The following PALLD variants were observed in gnomAD, a reference collection of about 807,000 sequenced individuals.
PALLD encodes palladin, cytoskeletal associated protein, also known as palladin.
PALLD carries 61 observed loss-of-function variants against 123.5 expected under a neutral mutation model. The ratio of observed to expected loss-of-function variants is 0.49; its 90% confidence interval spans 0.40 to 0.61. The LOEUF is 0.61. PALLD is among the 20% of genes least tolerant of loss of function. The pLI is 0.00. For synonymous variants in PALLD, 465 were observed against 496.4 expected (o/e 0.94, Z 0.84); for missense variants, 1,273 against 1,377.0 (o/e 0.92, Z 1.20).
intron 2 of PALLD, among the ~76,000 whole-genome samples, chr4:168,600,188 CG>C (rs2149721604): frequency 6.6e-6 from 1 of 151,908 alleles, no homozygotes; most frequent in South Asian, 2.1e-4. Context: ...CATATATAAA[CG>C]GTGTGCGTGT....
At chr4:168,527,608 A>T (rs879630933) in intron 2 of PALLD, among the ~76,000 whole-genome samples, 1 of 152,142 alleles carries the variant, frequency 6.6e-6, no homozygotes, top group Non-Finnish European at 1.5e-5. Context: ...GAATTGTGTT[A>T]AGATTATTAA....
At chr4:168,922,288 A>T (rs1356998266) in intron 18 of PALLD, among the ~76,000 whole-genome samples, 1 of 152,170 alleles carries the variant, frequency 6.6e-6, no homozygotes, top group East Asian at 1.9e-4. Flanking sequence ...GCCTAAAAGG[A>T]AAACACATTT....
intron 10 of PALLD, among the ~76,000 whole-genome samples, chr4:168,827,675 T>C (rs114005905): frequency 3.9e-5 from 6 of 152,350 alleles, no homozygotes; most frequent in African/African-American, 1.4e-4. Context: ...GCAAGTACAA[T>C]AGAAGAAACA....
rs1200253946 is a variant in PALLD at position 168,844,530 on chromosome 4, C to G, written c.1965-46392C>G. Reference sequence around the variant, plus strand: ...CTTTTCTAACACTGAACTTTTCTCTCTCCAAGTCCCAGTCGCTCGTCAAAA... The same window carrying G: ...CTTTTCTAACACTGAACTTTTCTCTGTCCAAGTCCCAGTCGCTCGTCAAAA... On this transcript the variant is annotated intron_variant, in intron 10 of 21. Coordinates refer to ENST00000505667, the MANE Select transcript of PALLD (RefSeq NM_001166108.2). The surrounding 1 kb of genome is among the most constrained non-coding windows in gnomAD (Gnocchi z 4.5). 6.6e-6 allele frequency: 1 copy of G among 152,220 alleles called. No homozygotes were observed. Among genetic ancestry groups the G allele is most frequent in the Non-Finnish European group, 1.5e-5 (1 of 68,034 alleles). 9.4% of individuals were successfully genotyped at this position (152,220 alleles called of 1,614,324 possible). A position where few individuals can be genotyped will look rare whatever the true frequency, so the allele number is the denominator to read the frequency against.
At chr4:168,586,488 G>C (rs1654679462) in intron 2 of PALLD, among the ~76,000 whole-genome samples, 1 of 152,172 alleles carries the variant, frequency 6.6e-6, no homozygotes, top group Admixed American at 6.5e-5. Context: ...TGGGAATTGT[G>C]GGAGGGAGAG....
At position 168,659,300 on chromosome 4, in the gene PALLD, T is replaced by C. The variant is rs768400967; in HGVS notation, c.909-8890T>C. ...GAAAATATAACCATTGCTGAAGCAC[T>C]TATCTCTCTGGGGTTTTTTCCTACC... On this transcript the variant is annotated intron_variant, in intron 2 of 21. Transcript: ENST00000505667. Among the ~76,000 whole-genome samples, 11 of 152,228 alleles carry C rather than the reference T, an allele frequency of 7.2e-5. 1 individual carries two copies. Among genetic ancestry groups the C allele is most frequent in the Non-Finnish European group, 1.6e-4 (11 of 68,046 alleles).
At position 168,581,686 on chromosome 4, in the gene PALLD, C is replaced by T. The variant is rs1399900669; in HGVS notation, c.908+69274C>T. On this transcript the variant is annotated intron_variant, in intron 2 of 21. Transcript: ENST00000505667. ...AACTCCTTACCAGATTTATGGTTTG[C>T]TAATATTTTATCCCATTTCTTAGGT... Among the ~76,000 whole-genome samples the T allele has an allele frequency of 2.6e-5, 4 of 151,984 alleles. No individual in the cohort carries two copies. In the South Asian group the frequency reaches 6.2e-4, roughly 24 times the overall value.
At chr4:168,759,202 A>AAAAAAAATAT (rs1554077926) in intron 10 of PALLD, among the ~76,000 whole-genome samples, 1 of 22,306 alleles carries the variant, frequency 4.5e-5, no homozygotes, top group African/African-American at 1.4e-4. Context: ...AAAAAAAAAA[A>AAAAAAAATAT]ATATATATAT....
chr4:168,690,787 C>A (rs1782546880), intron 7 of PALLD, 43 bp downstream of exon 7: 1 of 1,602,624 alleles, frequency 6.2e-7, no homozygotes, highest in Non-Finnish European at 8.5e-7. Flanking sequence ...CCATTTTATT[C>A]TCTCCAGCTT....
chr4:168,720,648 G>C (rs994565337), intron 10 of PALLD, among the ~76,000 whole-genome samples: 1 of 152,148 alleles, frequency 6.6e-6, no homozygotes, highest in Admixed American at 6.5e-5. Flanking sequence ...TGATGACTTT[G>C]CATTTGCATT....
At chr4:168,771,140 GTTC>G (rs1429897406) in intron 10 of PALLD, among the ~76,000 whole-genome samples, 1 of 151,398 alleles carries the variant, frequency 6.6e-6, no homozygotes, top group African/African-American at 2.4e-5. Context: ...AGGTCTCAAT[GTTC>G]TTATCTCAAA....
chr4:168,879,731 AAC>A (rs1236905299), intron 10 of PALLD, among the ~76,000 whole-genome samples: 2 of 152,206 alleles, frequency 1.3e-5, no homozygotes, highest in African/African-American at 2.4e-5. Context: ...TATTGGGTGA[AAC>A]ACAGTCCAAT....
At chr4:168,548,018 C>T (rs923925297) in intron 2 of PALLD, among the ~76,000 whole-genome samples, 5 of 150,248 alleles carry the variant, frequency 3.3e-5, no homozygotes, top group African/African-American at 1.2e-4. Flanking sequence ...GCATTCCAGC[C>T]TGGGCAACAA....
At chr4:168,922,532 A>T (rs1341537408) in intron 18 of PALLD, among the ~76,000 whole-genome samples, 2 of 152,200 alleles carry the variant, frequency 1.3e-5, no homozygotes, top group Non-Finnish European at 2.9e-5. Flanking sequence ...CAAGACTCCT[A>T]GTGCTCTTCT....
chr4:168,911,455 A>G (rs1758928508), intron 15 of PALLD, among the ~76,000 whole-genome samples: 1 of 152,252 alleles, frequency 6.6e-6, no homozygotes, highest in Non-Finnish European at 1.5e-5. Context: ...AGGAAGCCAT[A>G]TCCCACATCA....
chr4:168,690,903 C>G (rs898014510), intron 7 of PALLD, among the ~76,000 whole-genome samples, 159 bp downstream of exon 7: 1 of 152,158 alleles, frequency 6.6e-6, no homozygotes, highest in Non-Finnish European at 1.5e-5. Flanking sequence ...TAAATGGAAA[C>G]TATGACCCCC....
intron 17 of PALLD, among the ~76,000 whole-genome samples, chr4:168,920,475 T>C (rs1171814990): frequency 7.9e-5 from 12 of 152,188 alleles, no homozygotes; most frequent in Admixed American, 7.9e-4. Flanking sequence ...TGACATCTTT[T>C]TGTATATAAC....
At chr4:168,536,831 C>T (rs1268288078) in intron 2 of PALLD, among the ~76,000 whole-genome samples, 12 of 144,426 alleles carry the variant, frequency 8.3e-5, no homozygotes, top group African/African-American at 3.1e-4. Flanking sequence ...AAGGTTCTCT[C>T]TTTTTTTTTT....
chr4:168,868,731 A>G (rs574838012), intron 10 of PALLD, among the ~76,000 whole-genome samples: 4 of 152,286 alleles, frequency 2.6e-5, no homozygotes, highest in African/African-American at 9.6e-5. Flanking sequence ...TACACTACAC[A>G]ATGGACACAC....
Sources: allele counts gnomAD v4.1 joint callset (sites outside exome capture counted in the v4.1 genomes callset), GRCh38; gene constraint gnomAD v4.1.1; non-coding constraint Gnocchi (gnomAD v3.1); transcripts MANE v1.5; gene names NCBI Gene and HGNC (gene_info 2026-07-23, HGNC 2026-07-21).